The following TNFAIP8 variants were observed in gnomAD, a reference collection of about 807,000 sequenced individuals.
The protein encoded by TNFAIP8 is tumor necrosis factor alpha-induced protein 8.
Under a neutral mutation model 13.3 loss-of-function variants are expected in TNFAIP8, and 7 were observed. The observed-to-expected ratio is 0.52, with a 90% CI of 0.30 to 0.99. TNFAIP8 has a LOEUF of 0.99. TNFAIP8 is among the 50% of genes least tolerant of loss of function. TNFAIP8 has a pLI of 0.07. For synonymous variants in TNFAIP8, 94 were observed against 87.6 expected, an observed-to-expected ratio of 1.07 and a Z score of -0.41; for missense variants, 258 against 236.9, an observed-to-expected ratio of 1.09 and a Z score of -0.58.
At chr5:119,310,893 C>G (rs535918661) in intron 1 of TNFAIP8, among the ~76,000 whole-genome samples, 1 of 152,278 alleles carries the variant, frequency 6.6e-6, no homozygotes, top group South Asian at 2.1e-4. Context: ...TCTCCCCTGT[C>G]TGGTCCCCTT....
intron 1 of TNFAIP8, among the ~76,000 whole-genome samples, chr5:119,313,037 G>A (rs1749782167): frequency 1.3e-5 from 2 of 152,122 alleles, no homozygotes; most frequent in African/African-American, 2.4e-5. Context: ...ATATTAAGAA[G>A]GGTTAAATTA....
At chr5:119,291,507 A>AT (rs987009604) in intron 1 of TNFAIP8, among the ~76,000 whole-genome samples, 24 of 152,232 alleles carry the variant, frequency 1.6e-4, no homozygotes, top group Non-Finnish European at 1.8e-4. Context: ...TAATAATTTT[A>AT]TTTTTAAAAA....
At position 119,273,049 on chromosome 5, in the gene TNFAIP8, A is replaced by T. The variant is rs191646482; in HGVS notation, c.1+4142A>T. On this transcript the variant is annotated intron_variant, in intron 1 of 1. Transcript: ENST00000274456. The stretch of plus-strand genomic sequence containing the variant: ...GTTTCCTTAAACATTGGGAATAAAG[A>T]TGACTTTAGTCAAGAAGTAGTTGGT... 3.3e-5 allele frequency among the ~76,000 whole-genome samples: 5 copies of T among 152,364 alleles called. 1 individual carries two copies. The highest frequency in any genetic ancestry group is 3.3e-4 in the Admixed American group (5 of 15,302).
upstream of TNFAIP8, chr5:119,355,609 C>G: frequency 1.8e-6 from 1 of 563,150 alleles, no homozygotes; most frequent in Non-Finnish European, 3.1e-6. Flanking sequence ...TCCAAAAATA[C>G]AGAGGCATTG....
At chr5:119,306,369 A>T (rs1001784088) in intron 1 of TNFAIP8, 10 of 146,414 alleles carry the variant, frequency 6.8e-5, no homozygotes, top group Admixed American at 5.5e-4. Context: ...ATGTTTCCCA[A>T]ACTGGAGAGC....
intron 1 of TNFAIP8, among the ~76,000 whole-genome samples, chr5:119,358,636 G>C (rs1751524349): frequency 6.6e-6 from 1 of 152,198 alleles, no homozygotes; most frequent in East Asian, 1.9e-4. Flanking sequence ...ATTAAAAAGA[G>C]GATATCAACA....
At chr5:119,320,310 T>C (rs536886900) in intron 1 of TNFAIP8, among the ~76,000 whole-genome samples, 10 of 152,352 alleles carry the variant, frequency 6.6e-5, no homozygotes, top group Middle Eastern at 3.4e-3. Context: ...CCTGCAATTA[T>C]ATTCTTTCTC....
intron 1 of TNFAIP8, among the ~76,000 whole-genome samples, chr5:119,312,766 AAG>A (rs1749773775): frequency 6.6e-6 from 1 of 151,218 alleles, no homozygotes; most frequent in African/African-American, 2.4e-5. Context: ...AAAAAAAAAA[AAG>A]AATATGAAGA....
chr5:119,339,006 T>C (rs7724178), intron 1 of TNFAIP8, among the ~76,000 whole-genome samples: 15,882 of 151,996 alleles, frequency 0.1, 1,038 homozygotes, highest in African/African-American at 0.19. Context: ...ATGATTGTGC[T>C]ACTGCACTTC....
intron 1 of TNFAIP8, among the ~76,000 whole-genome samples, chr5:119,301,726 T>C (rs1004556673): frequency 6.6e-5 from 10 of 152,220 alleles, no homozygotes; most frequent in African/African-American, 2.4e-4. Context: ...CAAGTCATCT[T>C]TATGTGAAAA....
At chr5:119,327,173 C>T (rs1750249341) in intron 1 of TNFAIP8, among the ~76,000 whole-genome samples, 1 of 152,264 alleles carries the variant, frequency 6.6e-6, no homozygotes, top group Admixed American at 6.5e-5. Flanking sequence ...CCCAGACCCC[C>T]ATTGGGAATG....
At position 119,398,057 on chromosome 5, in the gene TNFAIP8, T is replaced by C. The variant is rs1023850523; in HGVS notation, c.*4676T>C. The C allele has an allele frequency of 2.0e-5, 3 of 152,240 alleles. No individual in the cohort carries two copies. Among genetic ancestry groups the C allele is most frequent in the African/African-American group, 7.2e-5 (3 of 41,458 alleles). The allele number at this position is 152,240 out of a possible 1,614,324, so 9.4% of individuals were successfully genotyped here. ...ACAATTAAGAGAAAAACATCTGTGC[T>C]TTGGAAAATGTTCTTCAAGGATAGA... is the stretch of plus-strand genomic sequence containing the variant. On this transcript the variant is annotated 3_prime_UTR_variant, in exon 2 of 2. Transcript: ENST00000504771.
At chr5:119,354,131 T>C (rs1751290892), upstream of TNFAIP8, among the ~76,000 whole-genome samples, 1 of 152,202 alleles carries the variant, frequency 6.6e-6, no homozygotes, top group African/African-American at 2.4e-5. Context: ...CATCTCAGTG[T>C]ATCTCCCCAT....
chr5:119,283,890 T>A (rs566872915), intron 1 of TNFAIP8, among the ~76,000 whole-genome samples: 8 of 152,328 alleles, frequency 5.3e-5, no homozygotes, highest in African/African-American at 1.9e-4. Context: ...CAAAACTGTT[T>A]CTATTCCATT....
In TNFAIP8 at chr5:119,333,181, G is replaced by C. The variant is rs907881403; in HGVS notation, c.2-59635G>C. On this transcript the variant is annotated intron_variant, in intron 1 of 1. Transcript: ENST00000274456. Reference sequence around the variant, plus strand: ...AGACTTCCTGTTTCTGCTTGATTTTGAATATACTCCTGTTTGCTTGTCACA... The same window carrying C: ...AGACTTCCTGTTTCTGCTTGATTTTCAATATACTCCTGTTTGCTTGTCACA... 9 of 981,622 alleles carry C rather than the reference G, an allele frequency of 9.2e-6. No homozygotes were observed. In the African/African-American group the frequency reaches 1.6e-4, roughly 18 times the overall value. The allele number at this position is 981,622 out of a possible 1,614,324, so 60.8% of individuals were successfully genotyped here.
chr5:119,371,886 C>A (rs1455581903), intron 1 of TNFAIP8, among the ~76,000 whole-genome samples: 1 of 152,010 alleles, frequency 6.6e-6, no homozygotes, highest in Non-Finnish European at 1.5e-5. Context: ...ACCTGTAATC[C>A]CATCACTTTG....
At chr5:119,355,594 T>C (rs1169042822), upstream of TNFAIP8, 2 of 562,728 alleles carry the variant, frequency 3.6e-6, no homozygotes, top group Non-Finnish European at 6.3e-6. Flanking sequence ...CATCAAAAAA[T>C]GTAATCCAAA....
At position 119,393,976 on chromosome 5, in the gene TNFAIP8, C is replaced by G. The variant is rs1753000926; in HGVS notation, c.*595C>G. The G allele has an allele frequency of 6.5e-6, 1 of 152,710 alleles. No homozygotes were observed. Among genetic ancestry groups the G allele is most frequent in the East Asian group, 1.9e-4 (1 of 5,194 alleles). 9.5% of individuals were successfully genotyped at this position (152,710 alleles called of 1,614,324 possible). On this transcript the variant is annotated 3_prime_UTR_variant, in exon 2 of 2. Transcript: ENST00000504771. ...GTACTGTGGAAATGAACTATATTAG[C>G]TATTATGAATAATGTCCAGTATAAG...
intron 1 of TNFAIP8, among the ~76,000 whole-genome samples, chr5:119,379,121 C>T (rs148548600): frequency 6.6e-6 from 1 of 152,282 alleles, no homozygotes; most frequent in African/African-American, 2.4e-5. Flanking sequence ...TGTGTTTATT[C>T]ATGGAGTACA....
Sources: gnomAD v4.1 joint callset for allele counts (sites outside exome capture counted in the v4.1 genomes callset) on GRCh38, gnomAD v4.1.1 for gene constraint, MANE v1.5 for transcripts, NCBI Gene and HGNC (gene_info 2026-07-23, HGNC 2026-07-21) for gene names.